The following NRXN3 variants were observed in gnomAD, a reference collection of about 807,000 sequenced individuals.
NRXN3 encodes neurexin III.
Under a neutral mutation model 137.6 loss-of-function variants are expected in NRXN3, and 32 were observed. The ratio of observed to expected loss-of-function variants is 0.23; its 90% CI spans 0.18 to 0.31. NRXN3 has a LOEUF of 0.31. Ranked by LOEUF, NRXN3 falls within the 10% of genes least tolerant of loss-of-function variation. The probability of loss-of-function intolerance (pLI) is 1.00; values close to 1 mark genes in which losing one functional copy is unlikely to be tolerated. For missense variants in NRXN3, 1,574 were observed against 2,062.5 expected, an observed-to-expected ratio of 0.76 and a Z score of 4.59; for synonymous variants, 798 against 784.5, an observed-to-expected ratio of 1.02 and a Z score of -0.29.
intron 14 of NRXN3, among the ~76,000 whole-genome samples, chr14:78,983,086 A>C (rs1012205960): frequency 2.0e-5 from 3 of 152,190 alleles, no homozygotes; most frequent in African/African-American, 7.2e-5. Flanking sequence ...CCATGATGAG[A>C]TATCACCTTG....
intron 4 of NRXN3, among the ~76,000 whole-genome samples, chr14:78,436,929 T>C (rs1209972751): frequency 6.6e-6 from 1 of 152,242 alleles, no homozygotes; most frequent in Non-Finnish European, 1.5e-5. Flanking sequence ...TTATGGGTGA[T>C]GGCTAAGAGC....
At chr14:79,540,400 C>T (rs1290932185) in intron 16 of NRXN3, among the ~76,000 whole-genome samples, 1 of 152,128 alleles carries the variant, frequency 6.6e-6, no homozygotes, top group African/African-American at 2.4e-5. Flanking sequence ...TTCATCACCT[C>T]ATATATTTAC....
intron 4 of NRXN3, among the ~76,000 whole-genome samples, chr14:78,633,414 G>A (rs572903974): frequency 1.2e-4 from 18 of 152,172 alleles, no homozygotes; most frequent in African/African-American, 3.6e-4. Context: ...TCAGGTCACC[G>A]ATTTTTAAGT....
At chr14:79,162,023 A>G (rs2060821672) in intron 15 of NRXN3, among the ~76,000 whole-genome samples, 1 of 151,926 alleles carries the variant, frequency 6.6e-6, no homozygotes, top group Non-Finnish European at 1.5e-5. Context: ...ATCTCAAGAC[A>G]GTAACTTTCA....
intron 19 of NRXN3, among the ~76,000 whole-genome samples, chr14:79,711,864 G>T (rs971728195): frequency 4.6e-5 from 7 of 152,136 alleles, no homozygotes; most frequent in Non-Finnish European, 7.3e-5. Context: ...GGAGCTGGGG[G>T]GATCTATCAA....
chr14:79,361,782 G>A (rs969169875), intron 15 of NRXN3, among the ~76,000 whole-genome samples: 12 of 152,130 alleles, frequency 7.9e-5, no homozygotes, highest in Admixed American at 7.9e-4. Flanking sequence ...ATGACGTTGA[G>A]AGCAATGACC....
At chr14:79,409,617 C>CTA (rs796485268) in intron 15 of NRXN3, among the ~76,000 whole-genome samples, 5,970 of 111,906 alleles carry the variant, frequency 0.053, 189 homozygotes, top group African/African-American at 0.098. Flanking sequence ...GTGTGTGTGT[C>CTA]TATATATATA....
At chr14:79,530,773 CA>C (rs1167553160) in intron 16 of NRXN3, among the ~76,000 whole-genome samples, 1 of 151,994 alleles carries the variant, frequency 6.6e-6, no homozygotes, top group Non-Finnish European at 1.5e-5. Flanking sequence ...TACCTGTAAA[CA>C]AAAAGTTCTT....
intron 15 of NRXN3, among the ~76,000 whole-genome samples, chr14:79,325,096 G>T (rs2090654196): frequency 6.6e-6 from 1 of 152,160 alleles, no homozygotes; most frequent in South Asian, 2.1e-4. Context: ...CCCTCGCCAT[G>T]CTTTGTCTTT....
intron 15 of NRXN3, among the ~76,000 whole-genome samples, chr14:79,190,568 A>T (rs756193476): frequency 6.3e-4 from 96 of 152,152 alleles, no homozygotes; most frequent in Non-Finnish European, 1.2e-3. Flanking sequence ...CCGGTGTGCT[A>T]CTGAAGGCAA....
intron 10 of NRXN3, among the ~76,000 whole-genome samples, chr14:78,862,946 A>G (rs1227269447): frequency 1.3e-5 from 2 of 152,182 alleles, no homozygotes; most frequent in Non-Finnish European, 2.9e-5. Context: ...TAATGCTTAT[A>G]TGATTATCTC....
At chr14:78,529,410 G>A (rs2096428647) in intron 4 of NRXN3, among the ~76,000 whole-genome samples, 1 of 152,164 alleles carries the variant, frequency 6.6e-6, no homozygotes, top group South Asian at 2.1e-4. Context: ...GATCATAGTA[G>A]AAACTAAGTT....
intron 14 of NRXN3, among the ~76,000 whole-genome samples, chr14:78,972,105 G>A (rs888877399): frequency 1.2e-4 from 19 of 152,050 alleles, no homozygotes; most frequent in African/African-American, 4.6e-4. Flanking sequence ...ATTTAAGCTA[G>A]GGTTTTAAAA....
intron 1 of NRXN3, among the ~76,000 whole-genome samples, chr14:78,222,114 T>A (rs765249531): frequency 1.4e-4 from 21 of 152,116 alleles, no homozygotes; most frequent in Non-Finnish European, 2.8e-4. Flanking sequence ...GAGATACACA[T>A]GGCCCCAACA....
intron 4 of NRXN3, among the ~76,000 whole-genome samples, chr14:78,543,711 G>A (rs905930344): frequency 5.3e-5 from 8 of 152,056 alleles, no homozygotes; most frequent in African/African-American, 1.9e-4. Flanking sequence ...TGACTTTGTT[G>A]TTGTTGTTAT....
chr14:79,848,796 G>A (rs928001769), intron 20 of NRXN3, among the ~76,000 whole-genome samples: 6 of 152,016 alleles, frequency 3.9e-5, no homozygotes, highest in African/African-American at 1.4e-4. Flanking sequence ...CCAGCCTCTT[G>A]ACTTTAAATG....
At chr14:79,680,445 GTGTGTGTGTGTGTGTA>G (rs953266365) in intron 17 of NRXN3, among the ~76,000 whole-genome samples, 4 of 150,510 alleles carry the variant, frequency 2.7e-5, no homozygotes, top group African/African-American at 7.3e-5. Flanking sequence ...AGGACTGTTT[GTGTGTGTGTGTGTGTA>G]TGTGTGTGTG....
In NRXN3 at chr14:78,314,876, CCGTTCTTTCTTTCTTTCTCTTTCTTT is replaced by C. The variant is rs760081157; in HGVS notation, c.757+17018_757+17043del. Among the ~76,000 whole-genome samples the C allele has an allele frequency of 2.1e-3, 232 of 111,734 alleles. 2 individuals carry two copies. Among genetic ancestry groups the C allele is most frequent in the African/African-American group, 6.2e-3 (197 of 31,830 alleles). The allele number at this position is 111,734 out of a possible 152,430, so 73.3% of individuals were successfully genotyped here. ...TGTGTATTTTGTGTATTTTTCTTTT[CCGTTCTTTCTTTCTTTCTCTTTCTTT>C]CTTTCTTTCTTTCTTTCTTTCTTTC... is the stretch of plus-strand genomic sequence containing the variant. On this transcript the variant is annotated intron_variant, in intron 4 of 20. Coordinates refer to ENST00000335750, the MANE Select transcript of NRXN3 (RefSeq NM_001330195.2).
At chr14:79,051,468 A>G (rs1595396955) in intron 15 of NRXN3, among the ~76,000 whole-genome samples, 1 of 152,342 alleles carries the variant, frequency 6.6e-6, no homozygotes, top group Non-Finnish European at 1.5e-5. Context: ...GGCTGGCTCC[A>G]GGGACTGCGG....
Sources: allele counts gnomAD v4.1 joint callset (sites outside exome capture counted in the v4.1 genomes callset), GRCh38; gene constraint gnomAD v4.1.1; transcripts MANE v1.5; gene names NCBI Gene and HGNC (gene_info 2026-07-23, HGNC 2026-07-21).